The following MYO1E variants were observed in gnomAD, a reference collection of about 807,000 sequenced individuals.
The protein encoded by MYO1E is myosin IE.
Under a neutral mutation model 151.1 loss-of-function variants are expected in MYO1E, and 68 were observed. The observed-to-expected ratio is 0.45, with a 90% CI of 0.37 to 0.55. The LOEUF (loss-of-function observed/expected upper bound fraction) is 0.55, where lower values mean the gene tolerates loss of function less well. Among genes scored for constraint, MYO1E ranks in the 20% least tolerant of loss-of-function variants. The probability of loss-of-function intolerance (pLI) is 0.00; values close to 1 mark genes in which losing one functional copy is unlikely to be tolerated. For synonymous variants in MYO1E, 601 were observed against 501.7 expected (o/e 1.20, Z -2.64); for missense variants, 1,363 against 1,389.3 (o/e 0.98, Z 0.30).
At chr15:59,358,243 AAAGAGGAAGAGGAGGATG>A (rs1308252089) in intron 1 of MYO1E, among the ~76,000 whole-genome samples, 30 of 151,912 alleles carry the variant, frequency 2.0e-4, no homozygotes, top group Non-Finnish European at 4.0e-4. Flanking sequence ...CAAAAAGGAG[AAAGAGGAAGAGGAGGATG>A]AGGAGGAAGA....
At chr15:59,363,878 G>A (rs917936787) in intron 1 of MYO1E, among the ~76,000 whole-genome samples, 6 of 152,108 alleles carry the variant, frequency 3.9e-5, no homozygotes, top group Non-Finnish European at 7.4e-5. Flanking sequence ...CATTTCAAGC[G>A]ATTCTCCTGC....
intron 1 of MYO1E, among the ~76,000 whole-genome samples, chr15:59,334,412 T>C (rs1263028665): frequency 6.6e-6 from 1 of 152,116 alleles, no homozygotes; most frequent in Non-Finnish European, 1.5e-5. Context: ...TGTAGGACTG[T>C]ATCAAAATAT....
At chr15:59,353,389 GAAAAGAAAAA>G (rs2080835656) in intron 1 of MYO1E, among the ~76,000 whole-genome samples, 1 of 140,388 alleles carries the variant, frequency 7.1e-6, no homozygotes, top group Admixed American at 7.2e-5. Flanking sequence ...GAAAAGAAAA[GAAAAGAAAAA>G]AAAGAAAAAA....
chr15:59,304,249 C>T (rs2080501668), intron 1 of MYO1E, among the ~76,000 whole-genome samples: 2 of 152,144 alleles, frequency 1.3e-5, no homozygotes. Context: ...TCCCACAGTG[C>T]TGCGATTACA....
At chr15:59,347,642 A>C (rs1288740342) in intron 1 of MYO1E, among the ~76,000 whole-genome samples, 2 of 152,194 alleles carry the variant, frequency 1.3e-5, no homozygotes, top group Non-Finnish European at 2.9e-5. Context: ...AGGAATAAAG[A>C]AAAGGATCAA....
intron 26 of MYO1E, among the ~76,000 whole-genome samples, chr15:59,147,152 C>A (rs1388268851): frequency 1.3e-5 from 2 of 152,148 alleles, no homozygotes; most frequent in Non-Finnish European, 2.9e-5. Context: ...GCTGCCGAAT[C>A]TCACAAGGTG....
intron 1 of MYO1E, among the ~76,000 whole-genome samples, chr15:59,371,036 T>C (rs1439539755): frequency 1.3e-5 from 2 of 152,166 alleles, no homozygotes; most frequent in East Asian, 3.8e-4. Context: ...TTCTTAAACC[T>C]TAAAACTAGA....
At chr15:59,203,157 G>A (rs1236873085) in intron 15 of MYO1E, among the ~76,000 whole-genome samples, 1 of 152,196 alleles carries the variant, frequency 6.6e-6, no homozygotes, top group Non-Finnish European at 1.5e-5. Context: ...CTGAGTCTGG[G>A]CACCATTGGT....
At chr15:59,236,331 GC>G (rs1168947684) in intron 5 of MYO1E, among the ~76,000 whole-genome samples, 1 of 129,320 alleles carries the variant, frequency 7.7e-6, no homozygotes, top group Non-Finnish European at 1.6e-5. Context: ...GGGCAACAGA[GC>G]AAGACTCTGT....
intron 1 of MYO1E, among the ~76,000 whole-genome samples, chr15:59,305,587 T>C (rs1388172071): frequency 1.3e-5 from 2 of 152,146 alleles, no homozygotes; most frequent in Non-Finnish European, 2.9e-5. Context: ...GCAGATGAGA[T>C]AAACCCTGAG....
intron 12 of MYO1E, among the ~76,000 whole-genome samples, chr15:59,210,967 C>T (rs1342928287): frequency 3.3e-5 from 5 of 151,872 alleles, no homozygotes; most frequent in African/African-American, 7.3e-5. Flanking sequence ...TTTGGGAGGC[C>T]GAGGTGGGCG....
chr15:59,338,560 G>A (rs2080744230), intron 1 of MYO1E, among the ~76,000 whole-genome samples: 1 of 152,166 alleles, frequency 6.6e-6, no homozygotes, highest in Non-Finnish European at 1.5e-5. Flanking sequence ...CCTCAGTGCT[G>A]AGCCAGGACT....
chr15:59,236,276 G>A (rs2080062730), intron 5 of MYO1E, among the ~76,000 whole-genome samples: 1 of 151,260 alleles, frequency 6.6e-6, no homozygotes, highest in Admixed American at 6.6e-5. Context: ...CCGGGAGGCA[G>A]AGGTTGTGGT....
At chr15:59,289,823 G>A (rs2080408516) in intron 1 of MYO1E, among the ~76,000 whole-genome samples, 1 of 152,178 alleles carries the variant, frequency 6.6e-6, no homozygotes, top group Non-Finnish European at 1.5e-5. Flanking sequence ...TTATGGACAT[G>A]GTTGGGTCAC....
intron 15 of MYO1E, among the ~76,000 whole-genome samples, chr15:59,203,557 G>C (rs192141076): frequency 3.4e-4 from 51 of 152,202 alleles, no homozygotes; most frequent in African/African-American, 1.2e-3. Context: ...TGTATCGTTA[G>C]TAGAGACGGG....
intron 1 of MYO1E, among the ~76,000 whole-genome samples, chr15:59,355,560 G>A (rs1184480327): frequency 6.6e-6 from 1 of 152,116 alleles, no homozygotes; most frequent in Non-Finnish European, 1.5e-5. Flanking sequence ...GATTTTATGC[G>A]CACAGTTTGA....
At chr15:59,238,012 C>G (rs1471511048) in intron 4 of MYO1E, among the ~76,000 whole-genome samples, 1 of 152,174 alleles carries the variant, frequency 6.6e-6, no homozygotes, top group African/African-American at 2.4e-5. Flanking sequence ...GCAAGTCACT[C>G]ACCATCCTAG....
intron 1 of MYO1E, among the ~76,000 whole-genome samples, chr15:59,301,294 A>G (rs2080481190): frequency 6.6e-6 from 1 of 152,230 alleles, no homozygotes; most frequent in Admixed American, 6.5e-5. Flanking sequence ...GTATCTTTAC[A>G]TCTGAGCATT....
At chr15:59,370,519 T>C (rs1259104353) in intron 1 of MYO1E, among the ~76,000 whole-genome samples, 1 of 152,192 alleles carries the variant, frequency 6.6e-6, no homozygotes, top group East Asian at 1.9e-4. Flanking sequence ...GATGCACAGA[T>C]AGTCGCCTGG....
Sources: gnomAD v4.1 joint callset for allele counts (sites outside exome capture counted in the v4.1 genomes callset) on GRCh38, gnomAD v4.1.1 for gene constraint, MANE v1.5 for transcripts, NCBI Gene and HGNC (gene_info 2026-07-23, HGNC 2026-07-21) for gene names.